Variants in ALKBH1 observed in about 807,000 individuals in gnomAD.
ALKBH1 encodes the protein alkB homolog 1, histone H2A dioxygenase, also known as nucleic acid dioxygenase ALKBH1.
In ALKBH1, 31 loss-of-function variants were observed where a neutral mutation model predicts 36.6. The ratio of observed to expected loss-of-function variants is 0.85; its 90% CI spans 0.64 to 1.14. The LOEUF (loss-of-function observed/expected upper bound fraction) is 1.14, where lower values mean the gene tolerates loss of function less well. Ranked by LOEUF, ALKBH1 falls within the 50% of genes most tolerant of loss-of-function variation. ALKBH1 has a pLI of 0.00. For missense variants in ALKBH1, 490 were observed against 497.3 expected (o/e 0.99, Z 0.14); for synonymous variants, 183 against 186.6 (o/e 0.98, Z 0.16).
chr14:77,673,653 A>T lies in ALKBH1; in HGVS notation c.*159T>A. On this transcript the variant is annotated 3_prime_UTR_variant, in exon 6 of 6. Transcript: ENST00000216489. ...TTCTCTGAGCAAAGTGGCTGAGTTT[A>T]CTTCTGCGTGGGTTCCAAGGCAACA... 1 of 710,846 alleles carries T rather than the reference A, an allele frequency of 1.4e-6. No homozygotes were observed. The highest frequency in any genetic ancestry group is 2.3e-6 in the Non-Finnish European group (1 of 431,344). The allele number at this position is 710,846 out of a possible 1,614,324, so 44.0% of individuals were successfully genotyped here.
chr14:77,678,087 C>CAAAAAAA (rs11440428), intron 4 of ALKBH1, among the ~76,000 whole-genome samples: 20 of 55,052 alleles, frequency 3.6e-4, no homozygotes, highest in African/African-American at 5.2e-4. Context: ...ATATTATCAC[C>CAAAAAAA]AAAAAAAAAA....
At chr14:77,679,037 G>C (rs1038552285) in intron 4 of ALKBH1, among the ~76,000 whole-genome samples, 2 of 151,910 alleles carry the variant, frequency 1.3e-5, no homozygotes, top group Non-Finnish European at 1.5e-5. Flanking sequence ...GGCTGCTCTG[G>C]AACTCCTGAG....
At chr14:77,697,867 G>A (rs141188874) in intron 2 of ALKBH1, among the ~76,000 whole-genome samples, 8,196 of 152,016 alleles carry the variant, frequency 0.054, 296 homozygotes, top group Middle Eastern at 0.088. Flanking sequence ...ACAAAAATTA[G>A]CCAGGCGTGG....
chr14:77,681,076 A>G (rs1037395998), intron 3 of ALKBH1, among the ~76,000 whole-genome samples: 6 of 152,142 alleles, frequency 3.9e-5, no homozygotes, highest in African/African-American at 1.4e-4. Flanking sequence ...TTTCTCTGTT[A>G]TTTACATCAT....
At position 77,675,776 on chromosome 14, in the gene ALKBH1, C is replaced by T. The variant is rs2080202014; in HGVS notation, c.620G>A (p.Cys207Tyr). 4 of 1,614,010 alleles carry T rather than the reference C, an allele frequency of 2.5e-6. No individual in the cohort carries two copies. Among genetic ancestry groups the T allele is most frequent in the South Asian group, 1.1e-5 (1 of 91,086 alleles). ...TTCAGCTCGGAAATCCTCAAATCCA[C>T]AGGCAGCGGCTACTTGCTCTGAGAG... The part of the protein sequence containing the change: ...GFLSEQVAAA[C>Y]GFEDFRAEAG... The change falls in exon 5 of 6, where the codon TGT becomes TAT. Residue 207 changes from cysteine to tyrosine, a missense_variant. Cys to Tyr is a radical substitution (Grantham distance 194). Coordinates refer to ENST00000216489, the MANE Select transcript of ALKBH1 (RefSeq NM_006020.3).
chr14:77,697,897 C>T (rs1438068953), intron 2 of ALKBH1, among the ~76,000 whole-genome samples: 2 of 151,792 alleles, frequency 1.3e-5, no homozygotes, highest in Non-Finnish European at 2.9e-5. Flanking sequence ...CAGGTAGTCC[C>T]AGCTATTTGG....
At chr14:77,683,629 T>A (rs1374600701) in intron 3 of ALKBH1, 5 of 306,678 alleles carry the variant, frequency 1.6e-5, no homozygotes, top group African/African-American at 6.6e-5. Context: ...TGGAGTGCAG[T>A]GGTGCAATCT....
At chr14:77,706,278 C>T (rs1321741276) in intron 1 of ALKBH1, among the ~76,000 whole-genome samples, 2 of 152,048 alleles carry the variant, frequency 1.3e-5, no homozygotes, top group African/African-American at 4.8e-5. Flanking sequence ...GCTGAGTTTT[C>T]CAGGTACCTA....
At chr14:77,699,685 A>G (rs1408807115) in intron 2 of ALKBH1, among the ~76,000 whole-genome samples, 2 of 152,232 alleles carry the variant, frequency 1.3e-5, no homozygotes, top group Non-Finnish European at 2.9e-5. Context: ...CGACAAACAG[A>G]GTTGGATTTG....
At position 77,704,451 on chromosome 14, in the gene ALKBH1, A is replaced by G. The variant is rs1393041911; in HGVS notation, c.210T>C (p.Ser70=). 1.2e-6 allele frequency: 2 copies of G among 1,614,030 alleles called. No homozygotes were observed. The highest frequency in any genetic ancestry group is 2.7e-5 in the African/African-American group (2 of 74,940). The change falls in exon 2 of 6, where the codon TCT becomes TCC. Residue 70 remains serine (S), a synonymous_variant. Coordinates refer to ENST00000216489, the MANE Select transcript of ALKBH1 (RefSeq NM_006020.3). ...QKVIKSQLNV[S]SVSEQNAYRA... Reference sequence around the variant, plus strand: ...TATATGCATTCTGCTCACTGACAGAAGACACATTTAGCTGAGATTTGATCA... The same window carrying G: ...TATATGCATTCTGCTCACTGACAGAGGACACATTTAGCTGAGATTTGATCA...
At chr14:77,678,080 T>C (rs1368793936) in intron 4 of ALKBH1, among the ~76,000 whole-genome samples, 3 of 71,564 alleles carry the variant, frequency 4.2e-5, no homozygotes, top group African/African-American at 5.6e-5. Context: ...AGTAAAAATA[T>C]TATCACCAAA....
chr14:77,673,581 C>T lies in ALKBH1; in HGVS notation c.*231G>A. On this transcript the variant is annotated 3_prime_UTR_variant, in exon 6 of 6. Coordinates refer to ENST00000216489, the MANE Select transcript of ALKBH1 (RefSeq NM_006020.3). Reference sequence around the variant, plus strand: ...ATACCTCCTTGGACTGACTTCTCAACATACATTACAGCCAACATGTAACTA... The same window carrying T: ...ATACCTCCTTGGACTGACTTCTCAATATACATTACAGCCAACATGTAACTA... 1.8e-6 allele frequency: 1 copy of T among 546,454 alleles called. No homozygotes were observed. The allele number at this position is 546,454 out of a possible 1,614,324, so 33.9% of individuals were successfully genotyped here. A position where few individuals can be genotyped will look rare whatever the true frequency, so the allele number is the denominator to read the frequency against.
At chr14:77,706,264 A>G (rs59936715) in intron 1 of ALKBH1, among the ~76,000 whole-genome samples, 2,103 of 152,150 alleles carry the variant, frequency 0.014, 48 homozygotes, top group African/African-American at 0.048. Flanking sequence ...TGACAGTACT[A>G]TCAGCTGAGT....
intron 4 of ALKBH1, among the ~76,000 whole-genome samples, chr14:77,678,681 C>A (rs965001239): frequency 6.6e-6 from 1 of 152,024 alleles, no homozygotes; most frequent in East Asian, 1.9e-4. Context: ...ACAAGAGGCA[C>A]TGCACTGCTA....
intron 4 of ALKBH1, 40 bp from the exon 5 acceptor site, chr14:77,675,889 A>G: frequency 6.6e-7 from 1 of 1,506,886 alleles, no homozygotes; most frequent in Non-Finnish European, 9.2e-7. Context: ...ATAAACAATG[A>G]TCTCAGGAAT....
At chr14:77,689,304 T>C (rs1197569141) in intron 3 of ALKBH1, among the ~76,000 whole-genome samples, 1 of 152,212 alleles carries the variant, frequency 6.6e-6, no homozygotes. Flanking sequence ...CATGCTTTGG[T>C]ATTGTAAATT....
At chr14:77,696,999 G>T in intron 2 of ALKBH1, 1 of 162,458 alleles carries the variant, frequency 6.2e-6, no homozygotes, top group East Asian at 1.7e-4. Flanking sequence ...ACAATTGCCT[G>T]GACAACCTGT....
intron 3 of ALKBH1, among the ~76,000 whole-genome samples, chr14:77,692,794 T>C (rs373727428): frequency 7.0e-6 from 1 of 143,810 alleles, no homozygotes; most frequent in Non-Finnish European, 1.6e-5. Flanking sequence ...ACCTACCAAA[T>C]TGTATTTATT....
chr14:77,685,503 G>A (rs2080263120), intron 3 of ALKBH1, among the ~76,000 whole-genome samples: 1 of 151,684 alleles, frequency 6.6e-6, no homozygotes, highest in African/African-American at 2.4e-5. Context: ...TGAGCTGGGC[G>A]TGGTGGCTCA....
Sources: gnomAD v4.1 joint callset for allele counts (sites outside exome capture counted in the v4.1 genomes callset) on GRCh38, gnomAD v4.1.1 for gene constraint, MANE v1.5 for transcripts, NCBI Gene and HGNC (gene_info 2026-07-23, HGNC 2026-07-21) for gene names.